PCDH17: variants seen among roughly 807,000 people sequenced by gnomAD.
PCDH17 encodes the protein protocadherin 17.
A neutral mutation model predicts 67.7 loss-of-function variants in PCDH17; 21 were observed. The ratio of observed to expected loss-of-function variants is 0.31; its 90% CI spans 0.22 to 0.45. The LOEUF is 0.45. Ranked by LOEUF, PCDH17 falls within the 20% of genes least tolerant of loss-of-function variation. The probability of loss-of-function intolerance (pLI) is 1.00; values close to 1 mark genes in which losing one functional copy is unlikely to be tolerated. For missense variants in PCDH17, 1,471 were observed against 1,564.8 expected, an observed-to-expected ratio of 0.94 and a Z score of 1.01; for synonymous variants, 701 against 656.7, an observed-to-expected ratio of 1.07 and a Z score of -1.03.
At chr13:57,701,351 T>C (rs1225322407) in intron 3 of PCDH17, among the ~76,000 whole-genome samples, 1 of 152,144 alleles carries the variant, frequency 6.6e-6, no homozygotes, top group Admixed American at 6.6e-5. Context: ...GTACGGTAGA[T>C]ATGAGATACT....
chr13:57,691,681 T>TC (rs1417562666), intron 3 of PCDH17, among the ~76,000 whole-genome samples: 3 of 151,184 alleles, frequency 2.0e-5, no homozygotes, highest in Admixed American at 1.3e-4. Context: ...TTCACACATC[T>TC]CCCCTGTGTA....
At position 57,634,262 on chromosome 13, in the gene PCDH17, A is replaced by G; in HGVS notation, c.1716A>G (p.Thr572=). 6.2e-7 allele frequency: 1 copy of G among 1,613,244 alleles called. No individual in the cohort carries two copies. Among genetic ancestry groups the G allele is most frequent in the East Asian group, 2.2e-5 (1 of 44,836 alleles). The change falls in exon 1 of 4, where the codon ACA becomes ACG. Residue 572 remains threonine (T), a synonymous_variant. Transcript: ENST00000377918. This position sits in a 1 kb window ranked among gnomAD's most constrained non-coding sequence, Gnocchi z 7.8. ...HLESNATVRV[T]VLDVNDNAPV... ...AGAGCAACGCCACGGTGAGGGTGACAGTGCTAGACGTGAATGACAACGCGC... is the reference window on the plus strand; with the variant it reads ...AGAGCAACGCCACGGTGAGGGTGACGGTGCTAGACGTGAATGACAACGCGC...
chr13:57,631,334 G>C (rs1312319880), upstream of PCDH17, among the ~76,000 whole-genome samples: 3 of 152,064 alleles, frequency 2.0e-5, no homozygotes, highest in Non-Finnish European at 1.5e-5. Context: ...CGAGAGACAG[G>C]GAGAGTGTGT....
upstream of PCDH17, among the ~76,000 whole-genome samples, chr13:57,631,144 A>G (rs568010438): frequency 4.2e-5 from 6 of 144,418 alleles, no homozygotes; most frequent in East Asian, 2.0e-4. Context: ...AAATTGAAGG[A>G]AAAAAAAAAA....
chr13:57,632,665 G>T lies in PCDH17; in HGVS notation c.119G>T (p.Arg40Met), dbSNP rs774440820. 1.2e-6 allele frequency: 2 copies of T among 1,612,152 alleles called. No homozygotes were observed. The highest frequency in any genetic ancestry group is 1.7e-6 in the Non-Finnish European group (2 of 1,179,942). Residue 40 changes from arginine to methionine, a missense_variant, in exon 1 of 4, where the codon AGG (arginine) becomes ATG (methionine). By Grantham distance (91) the Arg-to-Met change is moderately conservative. Coordinates refer to ENST00000377918, the MANE Select transcript of PCDH17 (RefSeq NM_001040429.3). ...GGCACGGTGATCGGGAACATCGGCAGGGATGCTCGACTGCAGCCTGGGCTT... is the reference window on the plus strand; with the variant it reads ...GGCACGGTGATCGGGAACATCGGCATGGATGCTCGACTGCAGCCTGGGCTT... ...GAGTVIGNIG[R>M]DARLQPGLPP...
chr13:57,713,308 A>G (rs888979313), intron 3 of PCDH17, among the ~76,000 whole-genome samples: 13 of 151,706 alleles, frequency 8.6e-5, no homozygotes, highest in Non-Finnish European at 1.8e-4. Flanking sequence ...GAGTGCATTG[A>G]TTTCACTTAA....
At chr13:57,683,174 G>T (rs763024309) in intron 3 of PCDH17, among the ~76,000 whole-genome samples, 6 of 151,866 alleles carry the variant, frequency 4.0e-5, no homozygotes, top group Non-Finnish European at 7.4e-5. Context: ...AGCCTAGGTG[G>T]TATTTAAGAG....
chr13:57,638,340 T>C (rs1161355596), intron 1 of PCDH17, among the ~76,000 whole-genome samples: 1 of 152,076 alleles, frequency 6.6e-6, no homozygotes, highest in African/African-American at 2.4e-5. Context: ...AGTCTCAGGG[T>C]GACTTCTCAA....
chr13:57,634,232 C>G lies in PCDH17; in HGVS notation c.1686C>G (p.His562Gln). 1 of 1,613,288 alleles carries G rather than the reference C, an allele frequency of 6.2e-7. No individual in the cohort carries two copies. The highest frequency in any genetic ancestry group is 8.5e-7 in the Non-Finnish European group (1 of 1,180,030). Residue 562 changes from histidine (H) to glutamine (Q), a missense_variant, in exon 1 of 4, where the codon CAC (histidine) becomes CAG (glutamine). By Grantham distance (24) the His-to-Gln change is conservative. Transcript: ENST00000377918. The surrounding 1 kb of genome is among the most constrained non-coding windows in gnomAD (Gnocchi z 7.8). Reference protein sequence around the residue: ...VLAKDSGAPAHLESNATVRVT... With the variant: ...VLAKDSGAPAQLESNATVRVT... ...CTAAGGACTCGGGGGCGCCCGCGCA[C>G]TTGGAGAGCAACGCCACGGTGAGGG...
At chr13:57,637,787 A>G (rs1213997734) in intron 1 of PCDH17, among the ~76,000 whole-genome samples, 1 of 152,176 alleles carries the variant, frequency 6.6e-6, no homozygotes, top group Non-Finnish European at 1.5e-5. Flanking sequence ...TAGGAACTTT[A>G]TGATTTATGA....
chr13:57,667,769 TTA>T (rs10617175), intron 3 of PCDH17, among the ~76,000 whole-genome samples: 126,424 of 150,210 alleles, frequency 0.84, 53,528 homozygotes, highest in African/African-American at 0.93. Flanking sequence ...GCCTGTTCTA[TTA>T]TATATATACC....
At chr13:57,701,811 C>A (rs529222921) in intron 3 of PCDH17, among the ~76,000 whole-genome samples, 1 of 152,146 alleles carries the variant, frequency 6.6e-6, no homozygotes, top group East Asian at 1.9e-4. Flanking sequence ...ATTCCATCCT[C>A]AAAAGTTTTG....
chr13:57,710,293 A>G (rs778874917), intron 3 of PCDH17, among the ~76,000 whole-genome samples: 10 of 151,870 alleles, frequency 6.6e-5, no homozygotes, highest in Non-Finnish European at 1.0e-4. Flanking sequence ...GCTAAGTGTT[A>G]CTTTGTGAAA....
chr13:57,688,686 C>T (rs888181176), intron 3 of PCDH17, among the ~76,000 whole-genome samples: 1 of 152,030 alleles, frequency 6.6e-6, no homozygotes, highest in Non-Finnish European at 1.5e-5. Flanking sequence ...AAAGATTCCA[C>T]ATCATTGTAA....
At chr13:57,648,610 T>C (rs1327197803) in intron 1 of PCDH17, among the ~76,000 whole-genome samples, 2 of 152,036 alleles carry the variant, frequency 1.3e-5, no homozygotes, top group African/African-American at 2.4e-5. Context: ...TTGGATCTGC[T>C]TAAAAGCAAC....
At chr13:57,708,279 G>T (rs904226624) in intron 3 of PCDH17, among the ~76,000 whole-genome samples, 1 of 151,896 alleles carries the variant, frequency 6.6e-6, no homozygotes, top group African/African-American at 2.4e-5. Flanking sequence ...ATCTAAGAGG[G>T]TCATGTTATA....
chr13:57,646,735 G>C (rs529768370), intron 1 of PCDH17, among the ~76,000 whole-genome samples: 1 of 151,720 alleles, frequency 6.6e-6, no homozygotes, highest in African/African-American at 2.4e-5. Context: ...TTAAGCTAAC[G>C]GTATTAAATA....
chr13:57,687,955 A>G (rs1190962321), intron 3 of PCDH17, among the ~76,000 whole-genome samples: 1 of 152,004 alleles, frequency 6.6e-6, no homozygotes, highest in African/African-American at 2.4e-5. Context: ...CTGTGAGACA[A>G]TTTAGTCTAG....
intron 1 of PCDH17, among the ~76,000 whole-genome samples, chr13:57,656,143 A>G (rs1458408315): frequency 2.0e-5 from 3 of 152,132 alleles, no homozygotes. Context: ...TGAATAATAA[A>G]CATCACTACA....
Sources: allele counts gnomAD v4.1 joint callset (sites outside exome capture counted in the v4.1 genomes callset), GRCh38; gene constraint gnomAD v4.1.1; non-coding constraint Gnocchi (gnomAD v3.1); transcripts MANE v1.5; gene names NCBI Gene and HGNC (gene_info 2026-07-23, HGNC 2026-07-21).